Variants in LRRTM4 observed in about 807,000 individuals in gnomAD.
LRRTM4 encodes the protein leucine-rich repeat transmembrane neuronal protein 4.
A neutral mutation model predicts 47.6 loss-of-function variants in LRRTM4; 25 were observed. That is an observed-to-expected ratio of 0.53 (90% CI 0.38 to 0.73). The LOEUF is 0.73. LRRTM4 is among the 30% of genes least tolerant of loss of function. The pLI is 0.00. For missense variants in LRRTM4, 638 were observed against 713.4 expected, an observed-to-expected ratio of 0.89 and a Z score of 1.20; for synonymous variants, 311 against 269.5, an observed-to-expected ratio of 1.15 and a Z score of -1.51.
intron 3 of LRRTM4, among the ~76,000 whole-genome samples, chr2:77,170,394 G>A (rs535487283): frequency 4.6e-5 from 7 of 152,098 alleles, no homozygotes; most frequent in Non-Finnish European, 1.0e-4. Context: ...CAACCATAAG[G>A]AACTAGATTC....
intron 3 of LRRTM4, among the ~76,000 whole-genome samples, chr2:76,780,256 G>T (rs531795254): frequency 6.6e-6 from 1 of 152,064 alleles, no homozygotes; most frequent in Non-Finnish European, 1.5e-5. Flanking sequence ...TGCTCTTCTC[G>T]AGGAGTATCT....
intron 3 of LRRTM4, among the ~76,000 whole-genome samples, chr2:76,923,112 T>C (rs1181968354): frequency 6.6e-6 from 1 of 152,162 alleles, no homozygotes; most frequent in Non-Finnish European, 1.5e-5. Flanking sequence ...TGACTTTCAA[T>C]GAATTAAACT....
chr2:77,108,649 T>C (rs1282972470), intron 3 of LRRTM4, among the ~76,000 whole-genome samples: 4 of 150,282 alleles, frequency 2.7e-5, no homozygotes, highest in Non-Finnish European at 4.4e-5. Flanking sequence ...AGTGGCGGGA[T>C]CTGGGCTCAC....
intron 3 of LRRTM4, among the ~76,000 whole-genome samples, chr2:77,430,998 T>C (rs971219506): frequency 6.7e-6 from 1 of 148,700 alleles, no homozygotes; most frequent in Admixed American, 6.6e-5. Flanking sequence ...ATCCGAACTC[T>C]AGGTTTTCTG....
intron 3 of LRRTM4, among the ~76,000 whole-genome samples, chr2:76,758,328 A>G (rs1673135478): frequency 2.0e-5 from 3 of 152,184 alleles, no homozygotes; most frequent in African/African-American, 7.2e-5. Context: ...ATTTCTTTCT[A>G]TCCTGTACCT....
chr2:76,806,679 GAA>G (rs1357976070), intron 3 of LRRTM4, among the ~76,000 whole-genome samples: 1 of 152,018 alleles, frequency 6.6e-6, no homozygotes, highest in Non-Finnish European at 1.5e-5. Context: ...AAGTAATACT[GAA>G]AAGAGAAGTT....
chr2:76,843,461 G>C (rs1389060063), intron 3 of LRRTM4, among the ~76,000 whole-genome samples: 3 of 152,054 alleles, frequency 2.0e-5, no homozygotes, highest in Admixed American at 6.5e-5. Flanking sequence ...ATTTAACAGA[G>C]GAGCAAAAGG....
intron 3 of LRRTM4, among the ~76,000 whole-genome samples, chr2:77,045,782 C>T (rs1679213564): frequency 6.6e-6 from 1 of 151,786 alleles, no homozygotes; most frequent in East Asian, 1.9e-4. Flanking sequence ...ATTGCTCAGT[C>T]TTGGGTAAGT....
chr2:77,271,392 CACTT>C (rs926665588), intron 3 of LRRTM4, among the ~76,000 whole-genome samples: 39 of 152,318 alleles, frequency 2.6e-4, no homozygotes, highest in African/African-American at 7.2e-4. Flanking sequence ...CCAGGTCTCT[CACTT>C]GCTTGCTTGC....
At chr2:77,328,580 G>A (rs1670863167) in intron 3 of LRRTM4, among the ~76,000 whole-genome samples, 1 of 152,098 alleles carries the variant, frequency 6.6e-6, no homozygotes, top group Non-Finnish European at 1.5e-5. Context: ...AGGATATAAG[G>A]ATTAGAGCTT....
chr2:77,297,568 T>G, intron 3 of LRRTM4, among the ~76,000 whole-genome samples: 1 of 152,128 alleles, frequency 6.6e-6, no homozygotes, highest in East Asian at 1.9e-4. Context: ...TTCTATGCCT[T>G]TGGACCCAGG....
intron 3 of LRRTM4, among the ~76,000 whole-genome samples, chr2:77,290,397 G>A (rs1676788896): frequency 6.6e-6 from 1 of 151,888 alleles, no homozygotes; most frequent in Non-Finnish European, 1.5e-5. Context: ...CCAGAGGCTG[G>A]GAAGGGTATA....
At position 76,802,931 on chromosome 2, in the gene LRRTM4, A is replaced by G. The variant is rs184690100; in HGVS notation, c.1552-54015T>C. Among the ~76,000 whole-genome samples the G allele has an allele frequency of 5.7e-3, 863 of 152,258 alleles. 4 individuals are homozygous for G. The highest frequency in any genetic ancestry group is 0.024 in the Middle Eastern group (7 of 294). ...AAATGAAATTAGATTCTTTTCTTATACCATACCCAAAAATAAACTCAAAAT... is the reference window on the plus strand; with the variant it reads ...AAATGAAATTAGATTCTTTTCTTATGCCATACCCAAAAATAAACTCAAAAT... On this transcript the variant is annotated intron_variant, in intron 3 of 3. Coordinates refer to ENST00000409884, the MANE Select transcript of LRRTM4 (RefSeq NM_001134745.3).
At chr2:76,896,267 T>C (rs1011879197) in intron 3 of LRRTM4, among the ~76,000 whole-genome samples, 2 of 151,992 alleles carry the variant, frequency 1.3e-5, no homozygotes, top group Middle Eastern at 3.4e-3. Flanking sequence ...TTCCCACATA[T>C]TGGGTCCAAA....
intron 3 of LRRTM4, among the ~76,000 whole-genome samples, chr2:77,103,667 A>ATATATATCTATATATC (rs59351218): frequency 6.8e-5 from 10 of 146,284 alleles, no homozygotes; most frequent in Admixed American, 2.7e-4. Context: ...ATATATAGAT[A>ATATATATCTATATATC]TATATATCAC....
intron 3 of LRRTM4, among the ~76,000 whole-genome samples, chr2:76,908,605 GC>G (rs1371370841): frequency 3.3e-5 from 5 of 152,112 alleles, no homozygotes; most frequent in Non-Finnish European, 7.4e-5. Context: ...CATTGTCTCA[GC>G]CCAAAATCTC....
chr2:76,836,780 C>G (rs183523644), intron 3 of LRRTM4, among the ~76,000 whole-genome samples: 11 of 152,134 alleles, frequency 7.2e-5, no homozygotes, highest in Admixed American at 7.2e-4. Context: ...CAATACAGAA[C>G]AGAATATATT....
chr2:77,510,483 T>C (rs1424441316), intron 3 of LRRTM4, among the ~76,000 whole-genome samples: 1 of 152,130 alleles, frequency 6.6e-6, no homozygotes, highest in African/African-American at 2.4e-5. Flanking sequence ...ACAATTGTTA[T>C]ACTTTAAAAG....
intron 3 of LRRTM4, among the ~76,000 whole-genome samples, chr2:76,975,079 A>G (rs1234610988): frequency 6.6e-6 from 1 of 151,794 alleles, no homozygotes; most frequent in Non-Finnish European, 1.5e-5. Context: ...CAAACCAACA[A>G]AAACAAACAA....
Sources: gnomAD v4.1 joint callset for allele counts (sites outside exome capture counted in the v4.1 genomes callset) on GRCh38, gnomAD v4.1.1 for gene constraint, MANE v1.5 for transcripts, NCBI Gene and HGNC (gene_info 2026-07-23, HGNC 2026-07-21) for gene names.